FMN1: variants seen among roughly 807,000 people sequenced by gnomAD.
The protein encoded by FMN1 is formin 1.
In FMN1, 110 loss-of-function variants were observed where a neutral mutation model predicts 132.4. The ratio of observed to expected loss-of-function variants is 0.83; its 90% CI spans 0.71 to 0.97. The LOEUF (loss-of-function observed/expected upper bound fraction) is 0.97, where lower values mean the gene tolerates loss of function less well. Ranked by LOEUF, FMN1 falls within the 50% of genes least tolerant of loss-of-function variation. The pLI, the probability that FMN1 is intolerant of heterozygous loss-of-function variation, is 0.00. For synonymous variants in FMN1, 722 were observed against 651.7 expected, an observed-to-expected ratio of 1.11 and a Z score of -1.64; for missense variants, 1,792 against 1,705.3, an observed-to-expected ratio of 1.05 and a Z score of -0.90.
intron 16 of FMN1, among the ~76,000 whole-genome samples, chr15:32,878,191 G>C (rs2059682751): frequency 6.6e-6 from 1 of 152,198 alleles, no homozygotes; most frequent in African/African-American, 2.4e-5. Context: ...TCCTAGAGCA[G>C]GAACAAGTAC....
intron 17 of FMN1, among the ~76,000 whole-genome samples, chr15:32,838,694 C>T (rs2058680545): frequency 6.6e-6 from 1 of 152,198 alleles, no homozygotes; most frequent in African/African-American, 2.4e-5. Context: ...GATCTCTATG[C>T]CTTGGTCCTA....
intron 8 of FMN1, among the ~76,000 whole-genome samples, chr15:32,966,338 A>C (rs546013997): frequency 2.6e-4 from 40 of 152,242 alleles, no homozygotes; most frequent in African/African-American, 9.6e-4. Flanking sequence ...TACTGAATGA[A>C]AGAATTTTGG....
chr15:32,988,621 G>C (rs986142261), intron 7 of FMN1, among the ~76,000 whole-genome samples: 2 of 152,176 alleles, frequency 1.3e-5, no homozygotes, highest in Non-Finnish European at 2.9e-5. Context: ...TCGACTTTCA[G>C]TCATGGTGCT....
In FMN1 at chr15:32,913,454, A is replaced by G. The variant is rs185577467; in HGVS notation, c.3227-2919T>C. 1.2e-3 allele frequency among the ~76,000 whole-genome samples: 185 copies of G among 152,152 alleles called. 1 individual carries two copies. Among genetic ancestry groups the G allele is most frequent in the African/African-American group, 4.3e-3 (178 of 41,516 alleles). ...TAAGCTCATTCCCTGCCTCGCCTCA[A>G]TTACACTTCCAAACTCATCTCCTAC... On this transcript the variant is annotated intron_variant, in intron 10 of 20. Transcript: ENST00000616417.
chr15:33,105,762 A>G (rs1018354978), intron 4 of FMN1: 7 of 152,052 alleles, frequency 4.6e-5, no homozygotes, highest in Non-Finnish European at 1.0e-4. Context: ...TATTTACAAT[A>G]AAAGTATCCA....
intron 5 of FMN1, among the ~76,000 whole-genome samples, chr15:33,080,704 T>C (rs2038419077): frequency 6.6e-6 from 1 of 151,794 alleles, no homozygotes; most frequent in Admixed American, 6.6e-5. Context: ...CTGACCAACA[T>C]GGTGAAACCC....
At chr15:33,156,273 GTTTTT>G (rs59517614) in intron 3 of FMN1, among the ~76,000 whole-genome samples, 1,465 of 87,244 alleles carry the variant, frequency 0.017, 37 homozygotes, top group African/African-American at 0.063. Context: ...CACTCAAGTA[GTTTTT>G]TTTTTTTTTT....
intron 4 of FMN1, among the ~76,000 whole-genome samples, chr15:33,135,767 T>C (rs1353330952): frequency 1.3e-5 from 2 of 152,246 alleles, no homozygotes; most frequent in Non-Finnish European, 2.9e-5. Flanking sequence ...AGAATTCTTA[T>C]CGTGCATTGC....
At chr15:32,954,101 T>A (rs2061711764) in intron 9 of FMN1, among the ~76,000 whole-genome samples, 1 of 152,180 alleles carries the variant, frequency 6.6e-6, no homozygotes, top group African/African-American at 2.4e-5. Flanking sequence ...ATAGTTACCT[T>A]CAAGACGAGA....
At chr15:33,060,070 CT>C (rs1238905970) in intron 6 of FMN1, among the ~76,000 whole-genome samples, 2 of 152,230 alleles carry the variant, frequency 1.3e-5, no homozygotes, top group Non-Finnish European at 2.9e-5. Context: ...AACTGCAAGA[CT>C]TTTCTGGTCT....
In FMN1 at chr15:32,768,003, AAGG is replaced by A. The variant is rs1162812928; in HGVS notation, c.*6304_*6306del. 1 of 152,222 alleles carries A rather than the reference AAGG, an allele frequency of 6.6e-6. No homozygotes were observed. Among genetic ancestry groups the A allele is most frequent in the Non-Finnish European group, 1.5e-5 (1 of 68,038 alleles). The allele number at this position is 152,222 out of a possible 1,614,324, so 9.4% of individuals were successfully genotyped here. ...GACAAGTTAGCATGAAGCGAGGAAA[AAGG>A]AGATATTTATAATTCACAAAAACAT... On this transcript the variant is annotated 3_prime_UTR_variant, in exon 21 of 21. Transcript: ENST00000616417.
intron 7 of FMN1, among the ~76,000 whole-genome samples, chr15:32,994,994 T>C (rs2033678409): frequency 6.6e-6 from 1 of 151,992 alleles, no homozygotes; most frequent in Admixed American, 6.6e-5. Context: ...CAAAAGAAAA[T>C]GTATCTAGAA....
At chr15:33,073,998 T>C (rs1006417435) in intron 5 of FMN1, among the ~76,000 whole-genome samples, 4 of 152,184 alleles carry the variant, frequency 2.6e-5, no homozygotes, top group Admixed American at 6.5e-5. Context: ...CCCAGTGTAC[T>C]GGGGCTACAG....
chr15:32,980,379 A>T (rs1046118006), intron 7 of FMN1, among the ~76,000 whole-genome samples: 2 of 151,846 alleles, frequency 1.3e-5, no homozygotes, highest in African/African-American at 4.8e-5. Context: ...GCTGCTATGT[A>T]ACCTTAAACT....
At chr15:32,906,579 G>A (rs74631853) in intron 12 of FMN1, among the ~76,000 whole-genome samples, 2,811 of 152,282 alleles carry the variant, frequency 0.018, 99 homozygotes, top group East Asian at 0.12. Flanking sequence ...ATATTACTGT[G>A]TAACTTGGTA....
chr15:33,151,281 C>T (rs1278570609), intron 4 of FMN1: 1 of 1,536,110 alleles, frequency 6.5e-7, no homozygotes, highest in Non-Finnish European at 8.7e-7. Context: ...CTCTCCTTCC[C>T]TTTTCCAGCT....
intron 6 of FMN1, among the ~76,000 whole-genome samples, chr15:33,038,305 T>A (rs921160295): frequency 6.6e-6 from 1 of 152,228 alleles, no homozygotes; most frequent in Non-Finnish European, 1.5e-5. Context: ...CTAAGAACAC[T>A]GATTTGCCGC....
At chr15:32,877,244 G>T (rs929970071) in intron 16 of FMN1, among the ~76,000 whole-genome samples, 1 of 150,324 alleles carries the variant, frequency 6.7e-6, no homozygotes, top group Non-Finnish European at 1.5e-5. Flanking sequence ...CCGAGATTGT[G>T]CCACTGCACT....
intron 9 of FMN1, among the ~76,000 whole-genome samples, chr15:32,928,833 A>G (rs2061028180): frequency 6.6e-6 from 1 of 152,210 alleles, no homozygotes; most frequent in Non-Finnish European, 1.5e-5. Flanking sequence ...ACTACCAGTA[A>G]TACTCTGCCT....
Sources: gnomAD v4.1 joint callset for allele counts (sites outside exome capture counted in the v4.1 genomes callset) on GRCh38, gnomAD v4.1.1 for gene constraint, MANE v1.5 for transcripts, NCBI Gene and HGNC (gene_info 2026-07-23, HGNC 2026-07-21) for gene names.